The following TDRD3 variants were observed in gnomAD, a reference collection of about 807,000 sequenced individuals.
The protein encoded by TDRD3 is tudor domain-containing protein 3.
TDRD3 carries 45 observed loss-of-function variants against 86.7 expected under a neutral mutation model. The ratio of observed to expected loss-of-function variants is 0.52; its 90% CI spans 0.41 to 0.67. TDRD3 has a LOEUF of 0.67. Ranked by LOEUF, TDRD3 falls within the 30% of genes least tolerant of loss-of-function variation. The pLI is 0.00. For missense variants in TDRD3, 814 were observed against 889.0 expected (o/e 0.92, Z 1.07); for synonymous variants, 298 against 301.7 (o/e 0.99, Z 0.13).
intron 12 of TDRD3, among the ~76,000 whole-genome samples, chr13:60,564,860 TAAATA>T (rs1356092324): frequency 6.6e-6 from 1 of 152,138 alleles, no homozygotes; most frequent in African/African-American, 2.4e-5. Flanking sequence ...AGCTGTGTGT[TAAATA>T]AAGAGGAAAG....
intron 10 of TDRD3, among the ~76,000 whole-genome samples, chr13:60,517,837 G>A (rs1244549942): frequency 1.3e-5 from 2 of 152,202 alleles, no homozygotes; most frequent in Admixed American, 6.5e-5. Flanking sequence ...TACAGATTCA[G>A]TGCTGAAATT....
At chr13:60,474,825 G>A (rs1360944294) in intron 5 of TDRD3, among the ~76,000 whole-genome samples, 1 of 151,258 alleles carries the variant, frequency 6.6e-6, no homozygotes, top group Non-Finnish European at 1.5e-5. Context: ...TTCCTGCATG[G>A]TGTGTCTTTT....
intron 4 of TDRD3, among the ~76,000 whole-genome samples, chr13:60,464,929 T>A (rs9538713): frequency 0.14 from 20,889 of 152,116 alleles, 1,503 homozygotes; most frequent in East Asian, 0.2. Context: ...TTCAAAATAA[T>A]TAAAAGAGTA....
intron 3 of TDRD3, among the ~76,000 whole-genome samples, chr13:60,448,143 T>C (rs2137997150): frequency 6.6e-6 from 1 of 152,200 alleles, no homozygotes; most frequent in Non-Finnish European, 1.5e-5. Flanking sequence ...GATAATGCTG[T>C]TTTCAGCATT....
chr13:60,466,976 T>C (rs991011658), intron 4 of TDRD3, among the ~76,000 whole-genome samples: 1 of 150,758 alleles, frequency 6.6e-6, no homozygotes, highest in Non-Finnish European at 1.5e-5. Context: ...GTGTGTGTGT[T>C]TTTTTGTTTT....
intron 1 of TDRD3, among the ~76,000 whole-genome samples, chr13:60,426,455 GAT>G (rs964377852): frequency 3.9e-5 from 6 of 152,096 alleles, no homozygotes; most frequent in African/African-American, 1.4e-4. Flanking sequence ...TGAGATGATA[GAT>G]ATGTTAATAA....
At chr13:60,467,125 C>T (rs1329153171) in intron 4 of TDRD3, 113 bp from the exon 5 acceptor site, 5 of 1,256,998 alleles carry the variant, frequency 4.0e-6, no homozygotes, top group South Asian at 1.5e-5. Context: ...TTTCCTAATG[C>T]TCTCCCTCCC....
rs1222396018 is a variant in TDRD3, at chr13:60,439,892, C to T, written c.126+120C>T. The T allele has an allele frequency of 1.1e-5, 7 of 609,908 alleles. No individual in the cohort carries two copies. In the South Asian group the frequency reaches 2.0e-4, roughly 18 times the overall value. The allele number at this position is 609,908 out of a possible 1,614,324, so 37.8% of individuals were successfully genotyped here. ...TAGAGAACATCTTTCTTATTTTGTC[C>T]ATTTTAAGTTGTAGTGATGATGTTT... On this transcript the variant is annotated intron_variant, in intron 2 of 13. Transcript: ENST00000377881.
At chr13:60,501,068 G>C (rs1200755181) in intron 8 of TDRD3, among the ~76,000 whole-genome samples, 1 of 152,132 alleles carries the variant, frequency 6.6e-6, no homozygotes, top group African/African-American at 2.4e-5. Flanking sequence ...CCAGCTACCT[G>C]TTGGCACGTT....
intron 11 of TDRD3, among the ~76,000 whole-genome samples, chr13:60,534,103 G>A (rs1957645524): frequency 6.6e-6 from 1 of 152,182 alleles, no homozygotes; most frequent in East Asian, 1.9e-4. Flanking sequence ...TTGAGGCCAA[G>A]AGTTTGAGAC....
intron 12 of TDRD3, among the ~76,000 whole-genome samples, chr13:60,562,454 G>C (rs1958356521): frequency 6.6e-6 from 1 of 152,068 alleles, no homozygotes; most frequent in African/African-American, 2.4e-5. Flanking sequence ...TTTTATTAAA[G>C]TCCATTACAT....
intron 1 of TDRD3, among the ~76,000 whole-genome samples, chr13:60,419,416 A>T (rs191496487): frequency 6.6e-6 from 1 of 152,200 alleles, no homozygotes; most frequent in Non-Finnish European, 1.5e-5. Context: ...TAAAGAAAAT[A>T]TGGAACATAT....
At chr13:60,407,647 C>T (rs144638580) in intron 1 of TDRD3, among the ~76,000 whole-genome samples, 10 of 151,974 alleles carry the variant, frequency 6.6e-5, no homozygotes, top group South Asian at 2.1e-4. Flanking sequence ...TTTCTTTGCC[C>T]GAGACAACCA....
intron 1 of TDRD3, among the ~76,000 whole-genome samples, chr13:60,411,512 C>G (rs2137829338): frequency 6.6e-6 from 1 of 152,034 alleles, no homozygotes. Flanking sequence ...TACATTTTTC[C>G]AATGCTTAAA....
At chr13:60,557,403 C>A (rs1958219556) in intron 12 of TDRD3, among the ~76,000 whole-genome samples, 1 of 152,132 alleles carries the variant, frequency 6.6e-6, no homozygotes, top group Admixed American at 6.5e-5. Flanking sequence ...AGAGCAGTGA[C>A]TGCTGGAGTA....
At chr13:60,558,484 G>A (rs1023269099) in intron 12 of TDRD3, among the ~76,000 whole-genome samples, 2 of 152,114 alleles carry the variant, frequency 1.3e-5, no homozygotes, top group Non-Finnish European at 2.9e-5. Context: ...CATATCAATA[G>A]GCATAGATAG....
chr13:60,397,287 AGG>A lies in TDRD3; in HGVS notation c.-70_-69del. On this transcript the variant is annotated 5_prime_UTR_variant, in exon 1 of 14. An upstream open reading frame in the 5' UTR gains an earlier in-frame stop. Coordinates refer to ENST00000377881, the MANE Select transcript of TDRD3 (RefSeq NM_001146070.2). ...CTTTTCTTTTCTTTTTTTTTTTTTA[AGG>A]GGGGGGGTCTCAAGTAGGAGGCCTC... 5 of 568,546 alleles carry A rather than the reference AGG, an allele frequency of 8.8e-6. No individual in the cohort carries two copies. The highest frequency in any genetic ancestry group is 4.1e-5 in the Admixed American group (1 of 24,354). 35.2% of individuals were successfully genotyped at this position (568,546 alleles called of 1,614,324 possible).
chr13:60,438,824 A>G (rs1160573517), intron 1 of TDRD3, among the ~76,000 whole-genome samples: 3 of 152,104 alleles, frequency 2.0e-5, no homozygotes, highest in African/African-American at 7.2e-5. Flanking sequence ...ACTGTGGAAG[A>G]ATGTCTGCAA....
intron 1 of TDRD3, among the ~76,000 whole-genome samples, chr13:60,417,978 C>G (rs1954565849): frequency 6.6e-6 from 1 of 152,292 alleles, no homozygotes; most frequent in Non-Finnish European, 1.5e-5. Context: ...AGAGTAGCCT[C>G]CTGATTGGTC....
Sources: allele counts gnomAD v4.1 joint callset (sites outside exome capture counted in the v4.1 genomes callset), GRCh38; gene constraint gnomAD v4.1.1; transcripts MANE v1.5; gene names NCBI Gene and HGNC (gene_info 2026-07-23, HGNC 2026-07-21).